The following WDR27 variants were observed in gnomAD, a reference collection of about 807,000 sequenced individuals.
The protein encoded by WDR27 is WD repeat-containing protein 27.
A neutral mutation model predicts 114.4 loss-of-function variants in WDR27; 100 were observed. That is an observed-to-expected ratio of 0.87 (90% CI 0.74 to 1.03). The LOEUF (loss-of-function observed/expected upper bound fraction) is 1.03, where lower values mean the gene tolerates loss of function less well. Among genes scored for constraint, WDR27 ranks in the 50% least tolerant of loss-of-function variants. The pLI is 0.00. For missense variants in WDR27, 1,129 were observed against 1,092.9 expected, an observed-to-expected ratio of 1.03 and a Z score of -0.47; for synonymous variants, 449 against 423.1, an observed-to-expected ratio of 1.06 and a Z score of -0.75.
chr6:169,654,590 C>A (rs1823485586), intron 13 of WDR27, among the ~76,000 whole-genome samples: 1 of 152,220 alleles, frequency 6.6e-6, no homozygotes, highest in African/African-American at 2.4e-5. Flanking sequence ...CCACTCCCAG[C>A]CGGTTTCCAG....
intron 24 of WDR27, among the ~76,000 whole-genome samples, chr6:169,578,195 G>C (rs1011149794): frequency 1.3e-5 from 2 of 152,232 alleles, no homozygotes; most frequent in Non-Finnish European, 2.9e-5. Context: ...CTGTGAAAGT[G>C]TGACATGGTC....
chr6:169,701,049 A>T (rs765955424), intron 1 of WDR27, among the ~76,000 whole-genome samples: 5 of 152,246 alleles, frequency 3.3e-5, no homozygotes, highest in Non-Finnish European at 7.3e-5. Flanking sequence ...TTAAGTCAGT[A>T]AACACAAGAT....
intron 9 of WDR27, among the ~76,000 whole-genome samples, chr6:169,661,277 G>A (rs747766170): frequency 2.0e-5 from 3 of 152,210 alleles, no homozygotes; most frequent in Non-Finnish European, 4.4e-5. Flanking sequence ...GGTAGCCTCC[G>A]AGTGACTAGA....
At chr6:169,430,813 A>G in the WDR27 span, among the ~76,000 whole-genome samples, 2 of 152,294 alleles carry the variant, frequency 1.3e-5, no homozygotes, top group Admixed American at 6.5e-5. Context: ...GATTAGCTGG[A>G]ACAGTTTTTC....
intron 15 of WDR27, among the ~76,000 whole-genome samples, chr6:169,648,627 C>A (rs1328577041): frequency 2.0e-5 from 3 of 152,266 alleles, no homozygotes; most frequent in Non-Finnish European, 4.4e-5. Context: ...AAAGTAGACC[C>A]ATGTACGTTA....
intron 25 of WDR27, among the ~76,000 whole-genome samples, chr6:169,535,155 G>A (rs1796066755): frequency 1.3e-5 from 2 of 152,050 alleles, no homozygotes. Flanking sequence ...TTTTCTTTTG[G>A]CTAAAAATGG....
intron 5 of WDR27, chr6:169,667,522 CCT>C (rs1327758325): frequency 1.8e-5 from 6 of 330,628 alleles, no homozygotes; most frequent in Admixed American, 6.5e-5. Context: ...CAGTCTACAC[CCT>C]GTCAGGTCAG....
chr6:169,456,424 T>A (rs1386319812), downstream of WDR27, among the ~76,000 whole-genome samples: 2 of 152,052 alleles, frequency 1.3e-5, no homozygotes, highest in Non-Finnish European at 2.9e-5. This position sits in a 1 kb window ranked among gnomAD's most constrained non-coding sequence, Gnocchi z 4.0. Flanking sequence ...GTTTCACGGA[T>A]AAAAGAGACC....
At chr6:169,620,718 G>A (rs748858604) in intron 21 of WDR27, among the ~76,000 whole-genome samples, 4 of 152,284 alleles carry the variant, frequency 2.6e-5, no homozygotes, top group Non-Finnish European at 4.4e-5. Context: ...GCTATGTCAT[G>A]GGTGCATCCT....
the WDR27 span, among the ~76,000 whole-genome samples, chr6:169,449,075 T>A: frequency 6.6e-6 from 1 of 152,220 alleles, no homozygotes; most frequent in East Asian, 1.9e-4. Flanking sequence ...CGACGTGTAT[T>A]GTTTCAAAGG....
In WDR27 at chr6:169,582,902, A is replaced by ACC. The variant is rs1803746733; in HGVS notation, c.2456_2457insGG (p.Phe819LeufsTer73). On this transcript the variant is annotated frameshift_variant, in exon 24 of 26. Coordinates refer to ENST00000448612, the MANE Select transcript of WDR27 (RefSeq NM_182552.5). LOFTEE classifies it high-confidence loss of function. ...CTGTGTGCCCAGCCAGCCGGTGAGA[A>ACC]AACGTGCTTGAGCCCATTTCATACA... 6.2e-7 allele frequency: 1 copy of ACC among 1,613,834 alleles called. No individual in the cohort carries two copies. Among genetic ancestry groups the ACC allele is most frequent in the Admixed American group, 1.7e-5 (1 of 59,998 alleles).
chr6:169,509,867 T>G (rs1303954422), intron 25 of WDR27, among the ~76,000 whole-genome samples: 2 of 152,182 alleles, frequency 1.3e-5, no homozygotes, highest in Non-Finnish European at 2.9e-5. Flanking sequence ...GAGAAAATTT[T>G]TGCAACCTAC....
At chr6:169,647,578 G>C (rs1821114820) in intron 16 of WDR27, 195 bp downstream of exon 16, 1 of 654,988 alleles carries the variant, frequency 1.5e-6, no homozygotes, top group Non-Finnish European at 2.8e-6. Flanking sequence ...GATGCCTGGA[G>C]ATCACCCTCA....
At chr6:169,670,412 TA>T in intron 4 of WDR27, 156 bp downstream of exon 4, 1 of 727,994 alleles carries the variant, frequency 1.4e-6, no homozygotes, top group Non-Finnish European at 2.1e-6. Flanking sequence ...AATTGCAAGA[TA>T]AAGATATGAT....
At chr6:169,629,262 T>A (rs905152191) in intron 21 of WDR27, among the ~76,000 whole-genome samples, 2 of 152,196 alleles carry the variant, frequency 1.3e-5, no homozygotes, top group African/African-American at 4.8e-5. Context: ...ACTCCGAAAT[T>A]ATATTTTGCA....
downstream of WDR27, among the ~76,000 whole-genome samples, chr6:169,455,481 T>C (rs1044768523): frequency 3.3e-5 from 5 of 152,228 alleles, no homozygotes; most frequent in Admixed American, 3.3e-4. Context: ...TTCAGAACAT[T>C]TCATTATGGA....
intron 18 of WDR27, 89 bp downstream of exon 18, chr6:169,638,450 T>C: frequency 6.7e-7 from 1 of 1,483,796 alleles, no homozygotes; most frequent in Non-Finnish European, 9.0e-7. Flanking sequence ...CCTTTCCTCA[T>C]CTCCTGTTAA....
At chr6:169,535,695 C>T (rs1172104113) in intron 25 of WDR27, among the ~76,000 whole-genome samples, 1 of 152,098 alleles carries the variant, frequency 6.6e-6, no homozygotes, top group Non-Finnish European at 1.5e-5. Flanking sequence ...CAAGACCACC[C>T]CAGCTTAGGA....
At chr6:169,683,317 A>G (rs186068727) in intron 2 of WDR27, among the ~76,000 whole-genome samples, 117 of 152,320 alleles carry the variant, frequency 7.7e-4, no homozygotes, top group African/African-American at 2.8e-3. Flanking sequence ...AGATAAAATA[A>G]GTAAATAACA....
Sources: allele counts gnomAD v4.1 joint callset (sites outside exome capture counted in the v4.1 genomes callset), GRCh38; gene constraint gnomAD v4.1.1; non-coding constraint Gnocchi (gnomAD v3.1); transcripts MANE v1.5; gene names NCBI Gene and HGNC (gene_info 2026-07-23, HGNC 2026-07-21).